ALK: variants seen among roughly 807,000 people sequenced by gnomAD.
ALK encodes ALK tyrosine kinase receptor.
ALK carries 74 observed loss-of-function variants against 163.1 expected under a neutral mutation model. The observed-to-expected ratio is 0.45, with a 90% CI of 0.38 to 0.55. ALK has a LOEUF of 0.55. Ranked by LOEUF, ALK falls within the 20% of genes least tolerant of loss-of-function variation. The pLI is 0.00. For missense variants in ALK, 2,063 were observed against 2,105.3 expected (o/e 0.98, Z 0.39); for synonymous variants, 960 against 843.2 (o/e 1.14, Z -2.40).
intron 4 of ALK, among the ~76,000 whole-genome samples, chr2:29,441,722 T>C (rs562484188): frequency 1.3e-5 from 2 of 152,134 alleles, no homozygotes; most frequent in Non-Finnish European, 2.9e-5. Context: ...GGCTGGACAT[T>C]TCTCAAGACT....
intron 3 of ALK, among the ~76,000 whole-genome samples, chr2:29,570,487 A>G (rs894569127): frequency 6.6e-6 from 1 of 152,232 alleles, no homozygotes; most frequent in Admixed American, 6.5e-5. Context: ...ATTAGAACAG[A>G]AAGTGTTCAG....
At chr2:29,204,790 T>C (rs551402804) in intron 26 of ALK, among the ~76,000 whole-genome samples, 2 of 152,306 alleles carry the variant, frequency 1.3e-5, no homozygotes, top group East Asian at 1.9e-4. Flanking sequence ...TGTTTCACCA[T>C]GTTGGCAAGG....
At chr2:29,818,489 C>T (rs1198610063) in intron 1 of ALK, among the ~76,000 whole-genome samples, 1 of 152,258 alleles carries the variant, frequency 6.6e-6, no homozygotes, top group Admixed American at 6.5e-5. Flanking sequence ...CTTGCATACC[C>T]AACACGCTGG....
At chr2:29,810,507 T>A (rs778541610) in intron 1 of ALK, among the ~76,000 whole-genome samples, 1 of 151,726 alleles carries the variant, frequency 6.6e-6, no homozygotes, top group Non-Finnish European at 1.5e-5. Flanking sequence ...GCATTTTTAG[T>A]TGGGTATGAC....
chr2:29,807,215 G>A (rs997378022), intron 1 of ALK, among the ~76,000 whole-genome samples: 5 of 152,238 alleles, frequency 3.3e-5, no homozygotes, highest in Middle Eastern at 6.8e-3. Context: ...TGTTATTCTC[G>A]CCCCTGTGGC....
intron 3 of ALK, among the ~76,000 whole-genome samples, chr2:29,595,132 G>C (rs1675174135): frequency 6.6e-6 from 1 of 152,032 alleles, no homozygotes; most frequent in Non-Finnish European, 1.5e-5. Flanking sequence ...TTGAATATTT[G>C]CATTACACAC....
At chr2:29,599,769 T>A (rs1184986476) in intron 3 of ALK, among the ~76,000 whole-genome samples, 1 of 152,134 alleles carries the variant, frequency 6.6e-6, no homozygotes. Context: ...GAAAGAGACA[T>A]CTCATGAGAC....
chr2:29,909,644 G>A (rs1210757964), intron 1 of ALK, among the ~76,000 whole-genome samples: 2 of 152,140 alleles, frequency 1.3e-5, no homozygotes, highest in African/African-American at 2.4e-5. Context: ...TAGCTATCAG[G>A]GAACTGTAAG....
chr2:29,482,570 T>A (rs1430534951), intron 4 of ALK, among the ~76,000 whole-genome samples: 1 of 152,110 alleles, frequency 6.6e-6, no homozygotes, highest in Non-Finnish European at 1.5e-5. Flanking sequence ...ACCAAGCTAA[T>A]GGTGTGAGGT....
chr2:29,920,136 C>A lies in ALK; in HGVS notation c.524G>T (p.Ser175Ile). ...LLQFNLSELF[S>I]WWIRQGEGRL... ...CCCTTCGCCTTGGCGAATCCACCAACTGAACAGCTCGCTGAGATTGAACTG... is the reference window on the plus strand; with the variant it reads ...CCCTTCGCCTTGGCGAATCCACCAAATGAACAGCTCGCTGAGATTGAACTG... Residue 175 changes from serine to isoleucine, a missense_variant, in exon 1 of 29, where the codon AGT becomes ATT. Physicochemically the swap from Ser to Ile is moderately radical, Grantham distance 142. Around this residue, in one of 5 missense-constraint regions of ALK, gnomAD observed 987 missense variants for 939.5 expected, o/e 1.05. Transcript: ENST00000389048. 6.2e-7 allele frequency: 1 copy of A among 1,614,002 alleles called. No homozygotes were observed. Among genetic ancestry groups the A allele is most frequent in the South Asian group, 1.1e-5 (1 of 91,088 alleles).
chr2:29,881,822 A>G (rs55645906), intron 1 of ALK, among the ~76,000 whole-genome samples: 9,638 of 152,104 alleles, frequency 0.063, 439 homozygotes, highest in East Asian at 0.14. Flanking sequence ...TCTCATTATT[A>G]CTTTCATTAC....
At chr2:29,268,529 T>C (rs1020470574) in intron 11 of ALK, among the ~76,000 whole-genome samples, 6 of 152,062 alleles carry the variant, frequency 3.9e-5, no homozygotes, top group African/African-American at 1.4e-4. Context: ...CTGCATAGGG[T>C]TTGGCACAGA....
chr2:29,378,409 T>G (rs10175582), intron 5 of ALK, among the ~76,000 whole-genome samples: 1 of 152,010 alleles, frequency 6.6e-6, no homozygotes, highest in Non-Finnish European at 1.5e-5. Context: ...CTGTGCAAAC[T>G]GCAAGGTGTG....
intron 4 of ALK, among the ~76,000 whole-genome samples, chr2:29,475,972 T>G (rs115147433): frequency 0.01 from 1,572 of 152,236 alleles, 35 homozygotes; most frequent in African/African-American, 0.034. Context: ...GGTCCTCCCG[T>G]GTGGGGCTGC....
At chr2:29,264,924 A>G (rs1665178437) in intron 11 of ALK, among the ~76,000 whole-genome samples, 1 of 151,964 alleles carries the variant, frequency 6.6e-6, no homozygotes, top group Non-Finnish European at 1.5e-5. Flanking sequence ...ACTCTCACAT[A>G]CTCACTCGAA....
intron 5 of ALK, among the ~76,000 whole-genome samples, chr2:29,368,131 G>A (rs1668550897): frequency 6.6e-6 from 1 of 152,204 alleles, no homozygotes; most frequent in Non-Finnish European, 1.5e-5. Flanking sequence ...AGACGCTAAA[G>A]TCAAATAGGC....
rs141291567 is a variant in ALK, at chr2:29,301,086, C to A, written c.1648-4029G>T. Among the ~76,000 whole-genome samples the A allele has an allele frequency of 2.5e-3, 376 of 152,316 alleles. 1 individual carries two copies. The highest frequency in any genetic ancestry group is 7.4e-3 in the African/African-American group (309 of 41,562). ...AAGTAGTCTGTCAGTTTTCACCTAGCAATCCACACAAGGAAGCTGAATGAA... is the reference window on the plus strand; with the variant it reads ...AAGTAGTCTGTCAGTTTTCACCTAGAAATCCACACAAGGAAGCTGAATGAA... On this transcript the variant is annotated intron_variant, in intron 8 of 28. Coordinates refer to ENST00000389048, the MANE Select transcript of ALK (RefSeq NM_004304.5).
intron 3 of ALK, among the ~76,000 whole-genome samples, chr2:29,666,866 G>T (rs1677528303): frequency 6.6e-6 from 1 of 150,978 alleles, no homozygotes; most frequent in African/African-American, 2.4e-5. Context: ...CCAGCCTCTG[G>T]TAACCACCAA....
chr2:29,545,069 A>G (rs910606125), intron 3 of ALK, among the ~76,000 whole-genome samples: 2 of 152,168 alleles, frequency 1.3e-5, no homozygotes, highest in Non-Finnish European at 2.9e-5. Flanking sequence ...TGGTCCCCAG[A>G]TGCCTGCAGA....
Sources: gnomAD v4.1 joint callset for allele counts (sites outside exome capture counted in the v4.1 genomes callset) on GRCh38, gnomAD v4.1.1 for gene constraint, gnomAD v4.1.1 regional missense constraint, MANE v1.5 for transcripts, NCBI Gene and HGNC (gene_info 2026-07-23, HGNC 2026-07-21) for gene names.